Variants in GRIK4 observed in about 807,000 individuals in gnomAD.
The protein encoded by GRIK4 is glutamate ionotropic receptor kainate type subunit 4.
In GRIK4, 40 loss-of-function variants were observed where a neutral mutation model predicts 104.9. The ratio of observed to expected loss-of-function variants is 0.38; its 90% CI spans 0.30 to 0.50. The LOEUF is 0.50. Ranked by LOEUF, GRIK4 falls within the 20% of genes least tolerant of loss-of-function variation. The pLI is 0.93. For missense variants in GRIK4, 1,047 were observed against 1,308.1 expected (o/e 0.80, Z 3.08); for synonymous variants, 485 against 524.9 (o/e 0.92, Z 1.04).
chr11:120,907,136 A>C (rs922956904), intron 13 of GRIK4, among the ~76,000 whole-genome samples: 3 of 152,212 alleles, frequency 2.0e-5, no homozygotes, highest in Non-Finnish European at 4.4e-5. Flanking sequence ...CTCCTGAAAC[A>C]TTCTTCTTAT....
intron 1 of GRIK4, among the ~76,000 whole-genome samples, chr11:120,564,984 T>TGGGGG (rs148651543): frequency 7.2e-5 from 10 of 139,046 alleles, no homozygotes; most frequent in Non-Finnish European, 1.4e-4. Flanking sequence ...TGCGGGGGGG[T>TGGGGG]GGGGGGGGTG....
chr11:120,830,573 G>A (rs1430598037), intron 6 of GRIK4, among the ~76,000 whole-genome samples: 1 of 152,110 alleles, frequency 6.6e-6, no homozygotes, highest in Admixed American at 6.5e-5. Flanking sequence ...AGCAGCACGG[G>A]GCCTTGGACT....
chr11:120,790,132 T>A (rs1390108944), intron 3 of GRIK4, among the ~76,000 whole-genome samples: 1 of 152,170 alleles, frequency 6.6e-6, no homozygotes, highest in Non-Finnish European at 1.5e-5. Flanking sequence ...TCACTTACCG[T>A]ATCAGGTTGT....
At chr11:120,692,255 C>T (rs907333149) in intron 3 of GRIK4, among the ~76,000 whole-genome samples, 15 of 152,240 alleles carry the variant, frequency 9.9e-5, no homozygotes, top group African/African-American at 3.6e-4. Context: ...GGCTCCAACC[C>T]TCCAGGGCAT....
intron 3 of GRIK4, among the ~76,000 whole-genome samples, chr11:120,724,934 G>A (rs1420214660): frequency 1.3e-5 from 2 of 152,184 alleles, no homozygotes; most frequent in African/African-American, 4.8e-5. Context: ...TGTGTTTATA[G>A]TGATTCTATA....
chr11:120,518,495 A>C (rs1947757272), intron 1 of GRIK4, among the ~76,000 whole-genome samples: 1 of 152,118 alleles, frequency 6.6e-6, no homozygotes, highest in African/African-American at 2.4e-5. Flanking sequence ...GTTTAGTCCA[A>C]GCCCCAGAGA....
At chr11:120,622,274 A>G (rs1046076880) in intron 1 of GRIK4, among the ~76,000 whole-genome samples, 2 of 152,198 alleles carry the variant, frequency 1.3e-5, no homozygotes, top group African/African-American at 2.4e-5. Flanking sequence ...AATTTTCACA[A>G]CAACCCCATG....
At position 120,659,881 on chromosome 11, in the gene GRIK4, G is replaced by A. The variant is rs180797663; in HGVS notation, c.-50-388G>A. 3.2e-3 allele frequency among the ~76,000 whole-genome samples: 487 copies of A among 152,278 alleles called. 18 individuals are homozygous for A. Among genetic ancestry groups the A allele is most frequent in the Non-Finnish European group, 3.8e-4 (26 of 68,018 alleles). On this transcript the variant is annotated intron_variant, in intron 2 of 20. Coordinates refer to ENST00000527524, the MANE Select transcript of GRIK4 (RefSeq NM_014619.5). ...CGAGTAGCTGGAATTACAGGCATGC[G>A]CCACCATGCCCACCTAATTTTTGTA...
intron 6 of GRIK4, among the ~76,000 whole-genome samples, chr11:120,831,538 G>A (rs1358641243): frequency 1.3e-5 from 2 of 152,220 alleles, no homozygotes; most frequent in African/African-American, 4.8e-5. Flanking sequence ...CGGCTTTCGA[G>A]GGTGGTGGGG....
chr11:120,922,176 T>C (rs1202775300), intron 13 of GRIK4, among the ~76,000 whole-genome samples: 2 of 152,198 alleles, frequency 1.3e-5, no homozygotes, highest in African/African-American at 4.8e-5. Flanking sequence ...TCCTATTTAA[T>C]CTTAGGACAA....
At chr11:120,588,398 A>T (rs966915808) in intron 1 of GRIK4, among the ~76,000 whole-genome samples, 1 of 152,322 alleles carries the variant, frequency 6.6e-6, no homozygotes, top group Admixed American at 6.5e-5. Context: ...CTGTTCAGGC[A>T]TAGAGGGAAC....
intron 1 of GRIK4, among the ~76,000 whole-genome samples, chr11:120,599,847 G>A (rs1948859103): frequency 6.6e-6 from 1 of 152,222 alleles, no homozygotes; most frequent in South Asian, 2.1e-4. Flanking sequence ...CCCGAGCAAG[G>A]AGCAAGTCAA....
intron 8 of GRIK4, among the ~76,000 whole-genome samples, chr11:120,859,809 T>TA (rs1591998125): frequency 6.6e-6 from 1 of 152,388 alleles, no homozygotes; most frequent in East Asian, 1.9e-4. Context: ...CTTTTTCCCC[T>TA]AATGGGAATG....
chr11:120,889,605 T>TA (rs1308255869), intron 11 of GRIK4, among the ~76,000 whole-genome samples: 5 of 138,518 alleles, frequency 3.6e-5, no homozygotes, highest in Non-Finnish European at 6.3e-5. Flanking sequence ...TTTTTTTTTT[T>TA]TTTTTTTTTT....
chr11:120,973,886 T>C (rs1054141787), intron 19 of GRIK4, among the ~76,000 whole-genome samples: 6 of 149,810 alleles, frequency 4.0e-5, no homozygotes, highest in African/African-American at 1.5e-4. Context: ...ACGACCAACA[T>C]GACCCAAAGA....
At chr11:120,652,796 A>G (rs1020150263) in intron 1 of GRIK4, among the ~76,000 whole-genome samples, 1 of 152,146 alleles carries the variant, frequency 6.6e-6, no homozygotes, top group African/African-American at 2.4e-5. Flanking sequence ...ATGATGTAGT[A>G]GCCCTGTGAG....
chr11:120,749,709 G>A (rs547814953), intron 3 of GRIK4, among the ~76,000 whole-genome samples: 2 of 152,292 alleles, frequency 1.3e-5, no homozygotes, highest in South Asian at 2.1e-4. Flanking sequence ...GTGGTAGGGA[G>A]CTCTTTTGAA....
chr11:120,639,015 G>A (rs183543652), intron 1 of GRIK4, among the ~76,000 whole-genome samples: 82 of 151,702 alleles, frequency 5.4e-4, no homozygotes, highest in African/African-American at 1.8e-3. Context: ...TGTCCAGCAT[G>A]GCGAAACCCC....
intron 3 of GRIK4, among the ~76,000 whole-genome samples, chr11:120,675,994 G>A (rs1950093876): frequency 1.3e-5 from 2 of 152,154 alleles, no homozygotes. Flanking sequence ...TTTTAGTGGG[G>A]TTGCATTCCT....
Sources: gnomAD v4.1 joint callset for allele counts (sites outside exome capture counted in the v4.1 genomes callset) on GRCh38, gnomAD v4.1.1 for gene constraint, MANE v1.5 for transcripts, NCBI Gene and HGNC (gene_info 2026-07-23, HGNC 2026-07-21) for gene names.